The following SLC35D4 variants were observed in gnomAD, a reference collection of about 807,000 sequenced individuals.
The protein encoded by SLC35D4 is solute carrier family 35 member D4, also known as UDP-N-acetylglucosamine transporter SLC35D4.
chr18:23,290,238 C>A, the SLC35D4 span, among the ~76,000 whole-genome samples: 1 of 152,248 alleles, frequency 6.6e-6, no homozygotes, highest in Non-Finnish European at 1.5e-5. Context: ...TGTTTCAAAT[C>A]TGCCTATCTT....
chr18:23,407,329 T>G, the SLC35D4 span, among the ~76,000 whole-genome samples: 1 of 152,084 alleles, frequency 6.6e-6, no homozygotes, highest in Admixed American at 6.5e-5. Context: ...TATACATCAC[T>G]ACAAGGACAG....
At chr18:23,389,250 A>C in the SLC35D4 span, among the ~76,000 whole-genome samples, 1 of 152,008 alleles carries the variant, frequency 6.6e-6, no homozygotes, top group Non-Finnish European at 1.5e-5. Context: ...TAGCCTCCCA[A>C]AGTGCTGGGA....
At chr18:23,396,671 C>T in the SLC35D4 span, among the ~76,000 whole-genome samples, 18 of 151,880 alleles carry the variant, frequency 1.2e-4, no homozygotes, top group African/African-American at 2.7e-4. Flanking sequence ...CCCAGCTACT[C>T]GGGAGGCTGA....
At chr18:23,400,175 C>T in the SLC35D4 span, among the ~76,000 whole-genome samples, 21 of 152,174 alleles carry the variant, frequency 1.4e-4, no homozygotes, top group Admixed American at 9.2e-4. Context: ...AATTCTGGTT[C>T]AGGGACCCTT....
the SLC35D4 span, among the ~76,000 whole-genome samples, chr18:23,272,087 C>G: frequency 1.5e-4 from 23 of 152,198 alleles, no homozygotes; most frequent in Admixed American, 1.1e-3. Flanking sequence ...TGTGGGAACA[C>G]TGATTTATAG....
At chr18:23,424,344 T>C in the SLC35D4 span, among the ~76,000 whole-genome samples, 1 of 152,186 alleles carries the variant, frequency 6.6e-6, no homozygotes, top group Non-Finnish European at 1.5e-5. Flanking sequence ...CAGGGATCTG[T>C]TTCCTTCACT....
At chr18:23,300,321 C>G in the SLC35D4 span, among the ~76,000 whole-genome samples, 988 of 152,262 alleles carry the variant, frequency 6.5e-3, 9 homozygotes, top group African/African-American at 0.023. Context: ...AGAGTCACCA[C>G]GACCGGATGC....
the SLC35D4 span, among the ~76,000 whole-genome samples, chr18:23,330,603 C>T: frequency 4.6e-5 from 7 of 152,240 alleles, no homozygotes; most frequent in East Asian, 5.8e-4. Flanking sequence ...TGTCTGGGGA[C>T]GCCTGGCATT....
chr18:23,385,090 A>G, the SLC35D4 span: 1 of 1,600,566 alleles, frequency 6.2e-7, no homozygotes, highest in Non-Finnish European at 8.5e-7. Context: ...AGAATAAAAA[A>G]CATGAAAATA....
the SLC35D4 span, among the ~76,000 whole-genome samples, chr18:23,366,293 C>T: frequency 2.0e-5 from 3 of 152,202 alleles, no homozygotes; most frequent in African/African-American, 7.2e-5. Flanking sequence ...CCTCCCGTCC[C>T]GCAGTGCCCC....
At chr18:23,429,160 G>C in the SLC35D4 span, among the ~76,000 whole-genome samples, 2 of 152,192 alleles carry the variant, frequency 1.3e-5, no homozygotes, top group African/African-American at 4.8e-5. Context: ...ATACACGTGA[G>C]TGTAGGTATA....
the SLC35D4 span, among the ~76,000 whole-genome samples, chr18:23,416,114 G>A: frequency 7.2e-4 from 110 of 152,336 alleles, 1 homozygote; most frequent in Admixed American, 1.4e-3. Context: ...AGGAAGCTAA[G>A]GCAGGAGAAT....
At chr18:23,257,026 C>T in the SLC35D4 span, 3 of 588,018 alleles carry the variant, frequency 5.1e-6, no homozygotes, top group South Asian at 2.2e-5. Context: ...GGCAGCCCCT[C>T]GGGAAAGGAG....
the SLC35D4 span, among the ~76,000 whole-genome samples, chr18:23,365,858 G>T: frequency 6.6e-6 from 1 of 152,196 alleles, no homozygotes. Flanking sequence ...TTGGCAAGAA[G>T]ATTGCCTCTT....
At chr18:23,383,434 G>T in the SLC35D4 span, among the ~76,000 whole-genome samples, 1 of 152,044 alleles carries the variant, frequency 6.6e-6, no homozygotes, top group East Asian at 2.0e-4. Flanking sequence ...AGGAGAAAGC[G>T]GGGGGAATGG....
the SLC35D4 span, among the ~76,000 whole-genome samples, chr18:23,267,929 G>T: frequency 2.6e-5 from 4 of 152,164 alleles, no homozygotes; most frequent in South Asian, 8.3e-4. Flanking sequence ...AAGTCTTCTG[G>T]CCACCCGGTT....
the SLC35D4 span, among the ~76,000 whole-genome samples, chr18:23,280,192 C>T: frequency 8.5e-5 from 13 of 152,260 alleles, no homozygotes; most frequent in African/African-American, 3.1e-4. Flanking sequence ...AGACGGGCCT[C>T]GGCTGGGGTG....
chr18:23,249,008 G>A, the SLC35D4 span, among the ~76,000 whole-genome samples: 92,377 of 152,048 alleles, frequency 0.61, 28,328 homozygotes, highest in South Asian at 0.71. Flanking sequence ...TGGGAAACTG[G>A]CGCTGGCACT....
chr18:23,253,719 C>G, the SLC35D4 span: 1 of 1,613,002 alleles, frequency 6.2e-7, no homozygotes, highest in Non-Finnish European at 8.5e-7. Flanking sequence ...TCTTGCCTGT[C>G]TTTCTCCAGT....
Sources: allele counts gnomAD v4.1 joint callset (sites outside exome capture counted in the v4.1 genomes callset), GRCh38; gene constraint gnomAD v4.1.1; transcripts MANE v1.5; gene names NCBI Gene and HGNC (gene_info 2026-07-23, HGNC 2026-07-21).